XKR9: variants seen among roughly 807,000 people sequenced by gnomAD.
XKR9 encodes the protein XK related 9.
Under a neutral mutation model 32.0 loss-of-function variants are expected in XKR9, and 32 were observed. The ratio of observed to expected loss-of-function variants is 1.00; its 90% CI spans 0.76 to 1.34. The LOEUF is 1.34. Among genes scored for constraint, XKR9 ranks in the 40% most tolerant of loss-of-function variants. The pLI is 0.00. For missense variants in XKR9, 546 were observed against 429.7 expected (o/e 1.27, Z -2.39); for synonymous variants, 168 against 143.4 (o/e 1.17, Z -1.22).
the XKR9 span, among the ~76,000 whole-genome samples, chr8:70,894,407 G>A: frequency 6.6e-6 from 1 of 152,106 alleles, no homozygotes; most frequent in Non-Finnish European, 1.5e-5. Flanking sequence ...GGGCATCAGA[G>A]TTCTTACGCC....
chr8:70,790,671 T>C (rs112039255), downstream of XKR9, among the ~76,000 whole-genome samples: 790 of 152,254 alleles, frequency 5.2e-3, 8 homozygotes, highest in African/African-American at 0.017. Context: ...TAACTTCTCC[T>C]ATCTCAGAGT....
chr8:70,813,388 C>G, the XKR9 span, among the ~76,000 whole-genome samples: 1 of 152,264 alleles, frequency 6.6e-6, no homozygotes, highest in Non-Finnish European at 1.5e-5. Context: ...TGCGCAAGGT[C>G]TTCATGAATA....
the XKR9 span, among the ~76,000 whole-genome samples, chr8:70,847,502 C>G: frequency 6.1e-4 from 92 of 151,478 alleles, 1 homozygote; most frequent in African/African-American, 2.2e-3. Flanking sequence ...TTAAACAAAA[C>G]AGAGACAAAA....
At chr8:70,817,625 T>A in the XKR9 span, among the ~76,000 whole-genome samples, 1 of 152,038 alleles carries the variant, frequency 6.6e-6, no homozygotes, top group East Asian at 1.9e-4. Flanking sequence ...AGAAAAAAAA[T>A]TCTAAAATTC....
At chr8:70,836,689 G>A in the XKR9 span, among the ~76,000 whole-genome samples, 48,342 of 151,654 alleles carry the variant, frequency 0.32, 9,059 homozygotes, top group Non-Finnish European at 0.43. Context: ...TAAGGGACAT[G>A]TGCATTCATA....
intron 3 of XKR9, among the ~76,000 whole-genome samples, chr8:70,704,123 A>G (rs942930043): frequency 1.3e-5 from 2 of 152,146 alleles, no homozygotes; most frequent in African/African-American, 4.8e-5. Context: ...TGGAGCTTGC[A>G]GTGAGCAGAG....
downstream of XKR9, among the ~76,000 whole-genome samples, chr8:70,739,844 G>T (rs1201818178): frequency 2.6e-5 from 4 of 152,186 alleles, no homozygotes; most frequent in Non-Finnish European, 2.9e-5. Flanking sequence ...TCCGCCGTTG[G>T]TCTGATGGGC....
the XKR9 span, among the ~76,000 whole-genome samples, chr8:70,985,986 G>C: frequency 6.6e-6 from 1 of 152,078 alleles, no homozygotes; most frequent in Non-Finnish European, 1.5e-5. Flanking sequence ...ATTACAGAGG[G>C]CAAGTAGTTA....
intron 2 of XKR9, among the ~76,000 whole-genome samples, chr8:70,752,344 T>G (rs1807154218): frequency 6.6e-6 from 1 of 152,216 alleles, no homozygotes; most frequent in Non-Finnish European, 1.5e-5. Flanking sequence ...TTATTTATCT[T>G]ACGATTTTAG....
intron 2 of XKR9, among the ~76,000 whole-genome samples, chr8:70,761,873 A>G (rs546361054): frequency 1.3e-5 from 2 of 150,538 alleles, no homozygotes; most frequent in African/African-American, 4.8e-5. Flanking sequence ...GTTTTTGTAT[A>G]TGGTGTCAGG....
intron 2 of XKR9, among the ~76,000 whole-genome samples, chr8:70,782,038 C>G (rs1253775942): frequency 6.6e-6 from 1 of 152,168 alleles, no homozygotes; most frequent in Non-Finnish European, 1.5e-5. Flanking sequence ...CCTCTGCTCC[C>G]AAATGTCCTG....
At position 70,765,119 on chromosome 8, in the gene XKR9, T is replaced by G. The variant is rs143579744; in HGVS notation, n.353-24220T>G. ...TTGGGAATATACCCAGTAATGGGAT[T>G]GCTGGGTCAAATGATATTTCTGGTT... On this transcript the variant is annotated intron_variant and non_coding_transcript_variant, in intron 2 of 3. Transcript: ENST00000520273. Among the ~76,000 whole-genome samples, 326 of 152,280 alleles carry G rather than the reference T, an allele frequency of 2.1e-3. 7 individuals carry two copies. In the East Asian group the frequency reaches 0.05, roughly 24 times the overall value.
chr8:70,789,798 C>A (rs1807740111), intron 3 of XKR9, among the ~76,000 whole-genome samples: 1 of 151,882 alleles, frequency 6.6e-6, no homozygotes, highest in South Asian at 2.1e-4. Context: ...TAAGTAATTA[C>A]TGTTCTTGTT....
chr8:70,689,157 A>G (rs1369093945), intron 3 of XKR9, among the ~76,000 whole-genome samples: 2 of 152,162 alleles, frequency 1.3e-5, no homozygotes, highest in Non-Finnish European at 2.9e-5. Flanking sequence ...TGGAAATCAA[A>G]AAGTAAAAGA....
the XKR9 span, among the ~76,000 whole-genome samples, chr8:70,827,379 T>A: frequency 2.0e-4 from 31 of 152,150 alleles, no homozygotes; most frequent in Admixed American, 5.2e-4. Flanking sequence ...TTATTTAGTG[T>A]TCTTTTTAGC....
chr8:71,021,791 G>A, the XKR9 span, among the ~76,000 whole-genome samples: 3 of 152,166 alleles, frequency 2.0e-5, no homozygotes, highest in African/African-American at 2.4e-5. Flanking sequence ...GTGAGCCACC[G>A]CGCCCGGCCT....
At chr8:71,040,908 T>C in the XKR9 span, among the ~76,000 whole-genome samples, 2 of 152,176 alleles carry the variant, frequency 1.3e-5, no homozygotes, top group African/African-American at 4.8e-5. Context: ...TTTATTTCTC[T>C]AGGACAGAGT....
At chr8:70,961,036 AG>A in the XKR9 span, among the ~76,000 whole-genome samples, 1 of 152,016 alleles carries the variant, frequency 6.6e-6, no homozygotes, top group African/African-American at 2.4e-5. Context: ...CGGGTACGAC[AG>A]TGCATGCCTG....
chr8:70,901,058 T>C, the XKR9 span, among the ~76,000 whole-genome samples: 5 of 152,352 alleles, frequency 3.3e-5, no homozygotes, highest in South Asian at 4.1e-4. Context: ...CAGTCTATCA[T>C]TGATGGACCT....
Sources: gnomAD v4.1 joint callset for allele counts (sites outside exome capture counted in the v4.1 genomes callset) on GRCh38, gnomAD v4.1.1 for gene constraint, MANE v1.5 for transcripts, NCBI Gene and HGNC (gene_info 2026-07-23, HGNC 2026-07-21) for gene names.